CCDC122: variants seen among roughly 807,000 people sequenced by gnomAD.
CCDC122 encodes coiled-coil domain containing 122.
CCDC122 carries 38 observed loss-of-function variants against 37.0 expected under a neutral mutation model. The ratio of observed to expected loss-of-function variants is 1.03; its 90% CI spans 0.79 to 1.35. CCDC122 has a LOEUF of 1.35. Among genes scored for constraint, CCDC122 ranks in the 40% most tolerant of loss-of-function variants. The pLI is 0.00. For synonymous variants in CCDC122, 83 were observed against 95.6 expected (o/e 0.87, Z 0.77); for missense variants, 305 against 310.0 (o/e 0.98, Z 0.12).
chr13:43,863,489 C>T (rs1594849552), intron 4 of CCDC122, among the ~76,000 whole-genome samples: 1 of 152,146 alleles, frequency 6.6e-6, no homozygotes, highest in Middle Eastern at 3.4e-3. Flanking sequence ...TGGGTAAATA[C>T]CTAAAAGTTA....
intron 1 of CCDC122, among the ~76,000 whole-genome samples, chr13:43,876,021 T>C (rs888363661): frequency 1.3e-5 from 2 of 152,240 alleles, no homozygotes; most frequent in African/African-American, 4.8e-5. Flanking sequence ...CATTTGACGA[T>C]GGAGGCATGG....
At chr13:43,872,247 C>T (rs1433598128) in intron 2 of CCDC122, among the ~76,000 whole-genome samples, 1 of 152,038 alleles carries the variant, frequency 6.6e-6, no homozygotes, top group Non-Finnish European at 1.5e-5. Context: ...TCCCTCCTTA[C>T]TTGGCTTAGA....
chr13:43,819,811 TA>T (rs1489860093), downstream of CCDC122, among the ~76,000 whole-genome samples: 1 of 151,846 alleles, frequency 6.6e-6, no homozygotes, highest in African/African-American at 2.4e-5. Flanking sequence ...CTCACATAAT[TA>T]AAAAATAAGA....
chr13:43,877,146 T>G (rs1954633557), intron 1 of CCDC122, among the ~76,000 whole-genome samples: 1 of 152,194 alleles, frequency 6.6e-6, no homozygotes, highest in Non-Finnish European at 1.5e-5. Flanking sequence ...TGCCCTCAGA[T>G]TGCTTCACAG....
At chr13:43,863,084 C>A (rs1954163772) in intron 4 of CCDC122, among the ~76,000 whole-genome samples, 1 of 151,772 alleles carries the variant, frequency 6.6e-6, no homozygotes, top group South Asian at 2.1e-4. Context: ...GAATTTTGAC[C>A]TTCTTGTGCT....
chr13:43,852,805 C>T (rs1275001578), intron 6 of CCDC122, among the ~76,000 whole-genome samples: 3 of 151,900 alleles, frequency 2.0e-5, no homozygotes, highest in Admixed American at 6.6e-5. Context: ...AGAAACCCTA[C>T]AAGCAGAAGA....
chr13:43,847,424 T>C (rs1014765442), intron 6 of CCDC122, among the ~76,000 whole-genome samples: 1 of 152,114 alleles, frequency 6.6e-6, no homozygotes, highest in Non-Finnish European at 1.5e-5. Context: ...AATGTATTCC[T>C]AAAAACAAAA....
chr13:43,841,910 T>C (rs1208213142), intron 6 of CCDC122, among the ~76,000 whole-genome samples: 1 of 152,182 alleles, frequency 6.6e-6, no homozygotes, highest in African/African-American at 2.4e-5. Flanking sequence ...TCTTACTGTA[T>C]TACCCAGGCT....
chr13:43,844,979 A>G (rs75161154), intron 6 of CCDC122, among the ~76,000 whole-genome samples: 2,217 of 152,210 alleles, frequency 0.015, 88 homozygotes, highest in East Asian at 0.082. Flanking sequence ...AACTAATGAT[A>G]TTTTGGGGTT....
chr13:43,819,646 C>G (rs867358593), downstream of CCDC122, among the ~76,000 whole-genome samples: 1 of 151,918 alleles, frequency 6.6e-6, no homozygotes, highest in African/African-American at 2.4e-5. Flanking sequence ...TACAGTACTT[C>G]TTATATTTAA....
intron 6 of CCDC122, among the ~76,000 whole-genome samples, chr13:43,846,340 T>C (rs1000387078): frequency 5.3e-5 from 8 of 152,226 alleles, no homozygotes; most frequent in African/African-American, 1.7e-4. Flanking sequence ...TCTCAAAGTG[T>C]TGGGATTACA....
chr13:43,872,409 G>A (rs1379850016), intron 2 of CCDC122, among the ~76,000 whole-genome samples: 1 of 152,052 alleles, frequency 6.6e-6, no homozygotes, highest in Non-Finnish European at 1.5e-5. Context: ...TTAAATTCAA[G>A]ACCATTTATG....
chr13:43,868,357 T>C (rs1954341222), intron 4 of CCDC122, among the ~76,000 whole-genome samples: 1 of 152,134 alleles, frequency 6.6e-6, no homozygotes, highest in Admixed American at 6.5e-5. Flanking sequence ...TCACAATCCA[T>C]AGCTTTACAA....
intron 3 of CCDC122, among the ~76,000 whole-genome samples, chr13:43,831,079 A>C (rs1022938445): frequency 6.6e-6 from 1 of 152,220 alleles, no homozygotes; most frequent in Non-Finnish European, 1.5e-5. Context: ...TATATGTTTT[A>C]TTTGTATGAA....
intron 4 of CCDC122, 145 bp downstream of exon 4, chr13:43,868,549 A>AGCCG: frequency 2.2e-6 from 1 of 454,658 alleles, no homozygotes; most frequent in Non-Finnish European, 3.8e-6. Flanking sequence ...TGGAATAGCC[A>AGCCG]TGTAAACCTT....
chr13:43,846,016 A>G (rs1244626465), intron 6 of CCDC122, among the ~76,000 whole-genome samples: 1 of 152,076 alleles, frequency 6.6e-6, no homozygotes, highest in Non-Finnish European at 1.5e-5. Context: ...ACAACTTCTG[A>G]GTCAACTGTT....
intron 1 of CCDC122, among the ~76,000 whole-genome samples, chr13:43,879,103 C>G (rs1307703904): frequency 6.6e-6 from 1 of 152,122 alleles, no homozygotes; most frequent in Non-Finnish European, 1.5e-5. Context: ...GAAACGCGGA[C>G]TTCAGCTCGC....
At chr13:43,856,801 G>T (rs1361897496) in intron 6 of CCDC122, among the ~76,000 whole-genome samples, 4 of 152,066 alleles carry the variant, frequency 2.6e-5, no homozygotes, top group African/African-American at 7.2e-5. Context: ...GGGTAGAAGA[G>T]AACTTTCTGG....
At chr13:43,848,948 A>G in intron 6 of CCDC122, 2 of 969,754 alleles carry the variant, frequency 2.1e-6, no homozygotes, top group Non-Finnish European at 2.5e-6. Context: ...CACCTTCTCT[A>G]AAAACTGGTT....
Sources: allele counts gnomAD v4.1 joint callset (sites outside exome capture counted in the v4.1 genomes callset), GRCh38; gene constraint gnomAD v4.1.1; transcripts MANE v1.5; gene names NCBI Gene and HGNC (gene_info 2026-07-23, HGNC 2026-07-21).